WWOX: variants seen among roughly 807,000 people sequenced by gnomAD.
WWOX encodes the protein WW domain containing oxidoreductase.
A neutral mutation model predicts 46.2 loss-of-function variants in WWOX; 69 were observed. The observed-to-expected ratio is 1.49, with a 90% CI of 1.23 to 1.82. The LOEUF (loss-of-function observed/expected upper bound fraction) is 1.82, where lower values mean the gene tolerates loss of function less well. Ranked by LOEUF, WWOX falls within the 40% of genes most tolerant of loss-of-function variation. WWOX has a pLI of 0.00. For synonymous variants in WWOX, 359 were observed against 202.6 expected (o/e 1.77, Z -6.56); for missense variants, 919 against 542.6 (o/e 1.69, Z -6.89).
At chr16:78,397,782 C>T (rs953144376) in intron 6 of WWOX, among the ~76,000 whole-genome samples, 1 of 152,216 alleles carries the variant, frequency 6.6e-6, no homozygotes, top group African/African-American at 2.4e-5. Flanking sequence ...ACCTCAACCT[C>T]CCAAACTGCT....
chr16:78,363,113 T>C (rs2081447759), intron 5 of WWOX, among the ~76,000 whole-genome samples: 2 of 152,130 alleles, frequency 1.3e-5, no homozygotes, highest in African/African-American at 4.8e-5. Context: ...AAGAAACATC[T>C]TTCCGTCCAG....
intron 8 of WWOX, among the ~76,000 whole-genome samples, chr16:78,618,241 A>G (rs939615586): frequency 1.3e-5 from 2 of 152,200 alleles, no homozygotes; most frequent in Non-Finnish European, 1.5e-5. Flanking sequence ...ATGGAAAAGC[A>G]CTGACGCAGT....
rs570952964 is a variant in WWOX, at chr16:79,043,621, C to A, written c.1057-167987C>A. 1.1e-4 allele frequency among the ~76,000 whole-genome samples: 17 copies of A among 152,274 alleles called. 1 individual carries two copies. Among genetic ancestry groups the A allele is most frequent in the African/African-American group, 4.1e-4 (17 of 41,546 alleles). Reference sequence around the variant, plus strand: ...CTAATGTTTGCTAATAACACACAAACCCACATTTTATTAAGTAAGTAATTT... The same window carrying A: ...CTAATGTTTGCTAATAACACACAAAACCACATTTTATTAAGTAAGTAATTT... On this transcript the variant is annotated intron_variant, in intron 8 of 8. Transcript: ENST00000566780.
At chr16:78,648,244 C>T (rs771330688) in intron 8 of WWOX, among the ~76,000 whole-genome samples, 1 of 152,158 alleles carries the variant, frequency 6.6e-6, no homozygotes, top group Non-Finnish European at 1.5e-5. Flanking sequence ...TATACAAAGA[C>T]CCAAGGTGGT....
At chr16:78,507,295 C>T (rs141246245) in intron 8 of WWOX, among the ~76,000 whole-genome samples, 4 of 152,296 alleles carry the variant, frequency 2.6e-5, no homozygotes, top group East Asian at 3.9e-4. Context: ...TTGGACTTCA[C>T]ATTCAAAATG....
At chr16:78,807,289 A>G (rs1266048636) in intron 8 of WWOX, among the ~76,000 whole-genome samples, 1 of 152,248 alleles carries the variant, frequency 6.6e-6, no homozygotes, top group African/African-American at 2.4e-5. Context: ...AACATCTCAT[A>G]CCACAATGTC....
intron 8 of WWOX, among the ~76,000 whole-genome samples, chr16:79,127,945 A>T (rs7498200): frequency 6.6e-6 from 1 of 151,952 alleles, no homozygotes; most frequent in Non-Finnish European, 1.5e-5. Context: ...AGTAGTCCAC[A>T]TGACAGTTAC....
At chr16:78,413,638 C>T (rs1196449974) in intron 6 of WWOX, among the ~76,000 whole-genome samples, 4 of 151,678 alleles carry the variant, frequency 2.6e-5, no homozygotes, top group Non-Finnish European at 5.9e-5. Context: ...TGCTTCAGGC[C>T]ATCTGGATGC....
intron 8 of WWOX, among the ~76,000 whole-genome samples, chr16:78,864,604 C>T (rs1343242576): frequency 2.0e-5 from 3 of 151,958 alleles, no homozygotes; most frequent in Admixed American, 6.6e-5. Context: ...CTGCACATAA[C>T]CTCCATGATG....
chr16:78,369,856 C>T (rs957661256), intron 5 of WWOX, among the ~76,000 whole-genome samples: 14 of 151,728 alleles, frequency 9.2e-5, no homozygotes, highest in Admixed American at 2.6e-4. Flanking sequence ...CATAAGGGCA[C>T]GCACAATGGC....
At chr16:78,865,364 C>G (rs958656659) in intron 8 of WWOX, among the ~76,000 whole-genome samples, 1 of 152,068 alleles carries the variant, frequency 6.6e-6, no homozygotes, top group African/African-American at 2.4e-5. Flanking sequence ...AGAAGTACGT[C>G]AGGTGAAGGG....
chr16:78,752,567 G>A (rs2049511605), intron 8 of WWOX, among the ~76,000 whole-genome samples: 1 of 152,126 alleles, frequency 6.6e-6, no homozygotes, highest in Admixed American at 6.5e-5. Flanking sequence ...CACCATGCCT[G>A]GCCAAGAATA....
chr16:78,175,457 G>A (rs1041461407), intron 5 of WWOX, among the ~76,000 whole-genome samples: 8 of 152,186 alleles, frequency 5.3e-5, no homozygotes, highest in African/African-American at 1.9e-4. Context: ...TGGCAGAAAT[G>A]GCCGGGTATG....
chr16:78,665,538 T>C (rs2047310326), intron 8 of WWOX, among the ~76,000 whole-genome samples: 1 of 152,058 alleles, frequency 6.6e-6, no homozygotes, highest in Non-Finnish European at 1.5e-5. Context: ...TTTAACAGAT[T>C]CCAGCCTGCT....
At chr16:78,500,910 T>C (rs570645194) in intron 8 of WWOX, among the ~76,000 whole-genome samples, 1 of 152,330 alleles carries the variant, frequency 6.6e-6, no homozygotes, top group African/African-American at 2.4e-5. Context: ...AAAGCCAGTG[T>C]GTCTCTTTCT....
At chr16:78,436,844 G>A (rs187815044) in intron 8 of WWOX, among the ~76,000 whole-genome samples, 60 of 152,298 alleles carry the variant, frequency 3.9e-4, no homozygotes, top group Admixed American at 3.6e-3. Flanking sequence ...CATTGCTTCC[G>A]TCAGGATAAT....
intron 8 of WWOX, among the ~76,000 whole-genome samples, chr16:79,035,300 C>G (rs1363780631): frequency 6.6e-6 from 1 of 152,164 alleles, no homozygotes; most frequent in Non-Finnish European, 1.5e-5. Flanking sequence ...TCTCTAATCC[C>G]TTTGATTTCC....
chr16:78,388,102 C>G (rs1291955060), intron 6 of WWOX, among the ~76,000 whole-genome samples: 2 of 152,202 alleles, frequency 1.3e-5, no homozygotes, highest in East Asian at 1.9e-4. Flanking sequence ...CACAATCTCG[C>G]CTTAATGCAA....
At chr16:78,265,324 G>T (rs1172474727) in intron 5 of WWOX, among the ~76,000 whole-genome samples, 2 of 152,194 alleles carry the variant, frequency 1.3e-5, no homozygotes, top group Non-Finnish European at 2.9e-5. Flanking sequence ...AATGTATGTT[G>T]TTATAGCAGC....
Sources: allele counts gnomAD v4.1 joint callset (sites outside exome capture counted in the v4.1 genomes callset), GRCh38; gene constraint gnomAD v4.1.1; transcripts MANE v1.5; gene names NCBI Gene and HGNC (gene_info 2026-07-23, HGNC 2026-07-21).